GPC6: variants seen among roughly 807,000 people sequenced by gnomAD.
GPC6 encodes the protein glypican-6.
Under a neutral mutation model 55.2 loss-of-function variants are expected in GPC6, and 14 were observed. The observed-to-expected ratio is 0.25, with a 90% confidence interval of 0.17 to 0.40. The LOEUF is 0.40. Ranked by LOEUF, GPC6 falls within the 10% of genes least tolerant of loss-of-function variation. GPC6 has a pLI of 1.00. For missense variants in GPC6, 641 were observed against 708.5 expected (o/e 0.90, Z 1.08); for synonymous variants, 278 against 259.6 (o/e 1.07, Z -0.68).
At chr13:94,305,836 C>A (rs1875914592) in intron 5 of GPC6, 144 bp from the exon 6 acceptor site, 3 of 792,952 alleles carry the variant, frequency 3.8e-6, no homozygotes, top group African/African-American at 1.7e-5. Context: ...AGTGGTTATA[C>A]TTGTTTACAT....
intron 1 of GPC6, among the ~76,000 whole-genome samples, chr13:93,506,952 T>C (rs2139378899): frequency 6.8e-6 from 1 of 146,196 alleles, no homozygotes; most frequent in Non-Finnish European, 1.5e-5. Context: ...TCCCAGCTAC[T>C]CGGGAGGCTG....
the GPC6 span, among the ~76,000 whole-genome samples, chr13:93,220,956 C>T: frequency 6.6e-6 from 1 of 152,126 alleles, no homozygotes; most frequent in African/African-American, 2.4e-5. Context: ...TGTCACCACT[C>T]ACTGCACCCT....
intron 2 of GPC6, among the ~76,000 whole-genome samples, chr13:93,736,184 G>T (rs979880246): frequency 1.3e-5 from 2 of 152,188 alleles, no homozygotes; most frequent in African/African-American, 4.8e-5. Context: ...CATGTTAAAT[G>T]AATATAACCA....
At chr13:94,164,271 G>A (rs1219620836) in intron 4 of GPC6, among the ~76,000 whole-genome samples, 1 of 151,972 alleles carries the variant, frequency 6.6e-6, no homozygotes, top group Non-Finnish European at 1.5e-5. Context: ...CTTAATATTG[G>A]GATACAACTT....
chr13:93,667,974 A>G (rs1268976023), intron 2 of GPC6, among the ~76,000 whole-genome samples: 7 of 152,320 alleles, frequency 4.6e-5, no homozygotes, highest in Admixed American at 2.0e-4. Context: ...CTTGCATGAT[A>G]GACACCGTGG....
intron 2 of GPC6, among the ~76,000 whole-genome samples, chr13:93,565,296 GCC>G (rs2139464687): frequency 6.6e-6 from 1 of 152,228 alleles, no homozygotes; most frequent in East Asian, 1.9e-4. Context: ...GCAGGTGTTG[GCC>G]CCACTGCAAT....
chr13:93,909,981 G>C (rs1244784342), intron 3 of GPC6, among the ~76,000 whole-genome samples: 2 of 151,776 alleles, frequency 1.3e-5, no homozygotes, highest in Non-Finnish European at 2.9e-5. Flanking sequence ...AGCTTTTATT[G>C]AACTTTCTAT....
intron 3 of GPC6, among the ~76,000 whole-genome samples, chr13:93,841,387 T>C (rs1274079618): frequency 6.6e-6 from 1 of 152,202 alleles, no homozygotes; most frequent in Non-Finnish European, 1.5e-5. Context: ...ATTTCCTCCA[T>C]TGTTATCTTT....
intron 1 of GPC6, among the ~76,000 whole-genome samples, chr13:93,436,129 TA>T (rs981565477): frequency 6.6e-6 from 1 of 152,164 alleles, no homozygotes; most frequent in Non-Finnish European, 1.5e-5. Flanking sequence ...AGCAGCTGAC[TA>T]TTGCAATTTT....
At chr13:93,902,388 T>C (rs1876408957) in intron 3 of GPC6, among the ~76,000 whole-genome samples, 1 of 152,200 alleles carries the variant, frequency 6.6e-6, no homozygotes, top group Non-Finnish European at 1.5e-5. Context: ...AGGATTTCAT[T>C]CATTTTTAAT....
In GPC6 at chr13:94,398,639, C is replaced by T; in HGVS notation, c.1463C>T (p.Thr488Ile). Residue 488 changes from threonine to isoleucine, a missense_variant and splice_region_variant, in exon 8 of 9, where the codon ACA becomes ATA. Physicochemically the swap from Thr to Ile is moderately conservative, Grantham distance 89. Coordinates refer to ENST00000377047, the MANE Select transcript of GPC6 (RefSeq NM_005708.5). ...YNGNDVNFQD[T>I]SDESSGSGSG... ...GGCAATGATGTCAATTTCCAGGACA[C>T]AAGTAAGAAAATCCTTCCCAGCACC... 6.2e-7 allele frequency: 1 copy of T among 1,613,782 alleles called. No homozygotes were observed.
chr13:94,045,395 CT>C (rs531705766), intron 4 of GPC6, among the ~76,000 whole-genome samples: 9 of 151,858 alleles, frequency 5.9e-5, no homozygotes, highest in South Asian at 2.1e-4. Context: ...TAAAACCATA[CT>C]TTTTTTTATT....
chr13:94,122,049 A>C (rs1011540562), intron 4 of GPC6, among the ~76,000 whole-genome samples: 16 of 152,116 alleles, frequency 1.1e-4, no homozygotes, highest in African/African-American at 3.6e-4. Flanking sequence ...GGGGCACCCT[A>C]AAAGATAGAC....
chr13:94,302,149 C>T (rs1159873189), intron 5 of GPC6, among the ~76,000 whole-genome samples: 1 of 152,216 alleles, frequency 6.6e-6, no homozygotes, highest in Non-Finnish European at 1.5e-5. Flanking sequence ...GCTTCTTAGT[C>T]TGCTCAGGCT....
intron 4 of GPC6, among the ~76,000 whole-genome samples, chr13:94,127,007 C>T (rs1296700005): frequency 1.3e-5 from 2 of 151,974 alleles, no homozygotes; most frequent in Non-Finnish European, 2.9e-5. Flanking sequence ...TATATTATCT[C>T]TTAAGAAAAA....
chr13:94,295,733 A>G (rs1000564000), intron 5 of GPC6, among the ~76,000 whole-genome samples: 1 of 152,116 alleles, frequency 6.6e-6, no homozygotes. Context: ...TGAGAGAAAA[A>G]TTGGCCTGCT....
intron 1 of GPC6, among the ~76,000 whole-genome samples, chr13:93,367,862 A>G (rs1881303918): frequency 6.6e-6 from 1 of 152,098 alleles, no homozygotes; most frequent in Non-Finnish European, 1.5e-5. Flanking sequence ...AATATAATCC[A>G]TATTGGCATA....
intron 4 of GPC6, among the ~76,000 whole-genome samples, chr13:94,136,442 G>C (rs757292017): frequency 9.8e-5 from 15 of 152,316 alleles, no homozygotes; most frequent in Non-Finnish European, 1.9e-4. Context: ...TGGGCGCGGT[G>C]GCTCACGCCT....
At chr13:93,468,318 C>T (rs1272889264) in intron 1 of GPC6, among the ~76,000 whole-genome samples, 1 of 151,888 alleles carries the variant, frequency 6.6e-6, no homozygotes, top group African/African-American at 2.4e-5. Context: ...GAAGTTTATG[C>T]CTTAAAATGA....
Sources: gnomAD v4.1 joint callset for allele counts (sites outside exome capture counted in the v4.1 genomes callset) on GRCh38, gnomAD v4.1.1 for gene constraint, MANE v1.5 for transcripts, NCBI Gene and HGNC (gene_info 2026-07-23, HGNC 2026-07-21) for gene names.